Variants in PTPRM observed in about 807,000 individuals in gnomAD.
The protein encoded by PTPRM is receptor-type tyrosine-protein phosphatase mu.
In PTPRM, 47 loss-of-function variants were observed where a neutral mutation model predicts 186.7. The observed-to-expected ratio is 0.25, with a 90% confidence interval of 0.20 to 0.32. The LOEUF (loss-of-function observed/expected upper bound fraction) is 0.32, where lower values mean the gene tolerates loss of function less well. PTPRM is among the 10% of genes least tolerant of loss of function. The pLI is 1.00. For synonymous variants in PTPRM, 668 were observed against 674.9 expected, an observed-to-expected ratio of 0.99 and a Z score of 0.16; for missense variants, 1,494 against 1,865.0, an observed-to-expected ratio of 0.80 and a Z score of 3.66.
intron 4 of PTPRM, among the ~76,000 whole-genome samples, chr18:7,912,530 GAGACAGAGTCTC>G (rs2050327324): frequency 1.3e-5 from 2 of 151,844 alleles, no homozygotes; most frequent in South Asian, 4.2e-4. Flanking sequence ...TTTTCTTTTT[GAGACAGAGTCTC>G]ACTCTGTTGC....
intron 7 of PTPRM, among the ~76,000 whole-genome samples, chr18:8,045,743 G>A (rs2087002518): frequency 1.3e-5 from 2 of 152,168 alleles, no homozygotes; most frequent in South Asian, 4.1e-4. Context: ...CATAGATTGT[G>A]GTGATGGTCA....
At chr18:8,200,745 T>C (rs1303519966) in intron 14 of PTPRM, among the ~76,000 whole-genome samples, 1 of 152,250 alleles carries the variant, frequency 6.6e-6, no homozygotes, top group African/African-American at 2.4e-5. Context: ...AAAATTGCCA[T>C]ATACCTTTTA....
intron 1 of PTPRM, among the ~76,000 whole-genome samples, chr18:7,709,380 A>C (rs780616281): frequency 2.0e-5 from 3 of 152,186 alleles, no homozygotes; most frequent in African/African-American, 7.2e-5. Flanking sequence ...GACACAACTT[A>C]TCAAAACCTC....
intron 1 of PTPRM, among the ~76,000 whole-genome samples, chr18:7,572,928 G>A (rs774745873): frequency 9.9e-5 from 15 of 152,098 alleles, no homozygotes; most frequent in Admixed American, 2.0e-4. Flanking sequence ...AAAATACCGC[G>A]GTGGTTTTCA....
At chr18:7,917,964 T>G (rs1361502855) in intron 4 of PTPRM, among the ~76,000 whole-genome samples, 1 of 152,172 alleles carries the variant, frequency 6.6e-6, no homozygotes, top group Non-Finnish European at 1.5e-5. Flanking sequence ...CTTATTTCAC[T>G]TAACATAAGG....
At chr18:8,253,467 C>T in intron 19 of PTPRM, 53 bp downstream of exon 19, 1 of 1,358,102 alleles carries the variant, frequency 7.4e-7, no homozygotes, top group Non-Finnish European at 9.6e-7. Context: ...GATTCCATGC[C>T]AGGTACTGTG....
At chr18:8,286,259 G>A (rs1260617947) in intron 19 of PTPRM, among the ~76,000 whole-genome samples, 1 of 152,156 alleles carries the variant, frequency 6.6e-6, no homozygotes, top group African/African-American at 2.4e-5. Context: ...AGTGAAATGA[G>A]TAACGTTTCA....
At chr18:8,341,780 G>A (rs1394259661) in intron 22 of PTPRM, among the ~76,000 whole-genome samples, 1 of 151,826 alleles carries the variant, frequency 6.6e-6, no homozygotes, top group Admixed American at 6.6e-5. Context: ...AAGCTGTTAA[G>A]TACACAATGA....
At chr18:8,111,069 T>C (rs1392823206) in intron 11 of PTPRM, among the ~76,000 whole-genome samples, 3 of 152,188 alleles carry the variant, frequency 2.0e-5, no homozygotes, top group African/African-American at 7.2e-5. Flanking sequence ...CCTGGTAGAA[T>C]GGCACTTCAC....
intron 19 of PTPRM, among the ~76,000 whole-genome samples, chr18:8,256,081 T>A (rs2094572146): frequency 6.6e-6 from 1 of 152,240 alleles, no homozygotes; most frequent in Non-Finnish European, 1.5e-5. Flanking sequence ...TTGAAGTTTA[T>A]GTAGTTTTTA....
chr18:7,936,467 G>A (rs1458552050), intron 5 of PTPRM, among the ~76,000 whole-genome samples: 2 of 152,222 alleles, frequency 1.3e-5, no homozygotes, highest in Non-Finnish European at 1.5e-5. Context: ...CCAGGTGTGT[G>A]TGCACCCAGG....
intron 7 of PTPRM, among the ~76,000 whole-genome samples, chr18:8,014,752 C>A (rs1041232835): frequency 5.9e-5 from 9 of 152,250 alleles, no homozygotes; most frequent in African/African-American, 1.9e-4. Flanking sequence ...CATATGTGAA[C>A]ACACACACCA....
intron 7 of PTPRM, among the ~76,000 whole-genome samples, chr18:7,998,613 A>G (rs1379738357): frequency 6.6e-6 from 1 of 152,142 alleles, no homozygotes; most frequent in Non-Finnish European, 1.5e-5. Flanking sequence ...ATAGTGAAAA[A>G]AATTACAAAT....
At chr18:7,987,031 T>C (rs968874538) in intron 7 of PTPRM, among the ~76,000 whole-genome samples, 1 of 152,148 alleles carries the variant, frequency 6.6e-6, no homozygotes, top group African/African-American at 2.4e-5. Context: ...TCCATAACTG[T>C]AGAAAATGTG....
intron 1 of PTPRM, among the ~76,000 whole-genome samples, chr18:7,624,779 A>G (rs1428048807): frequency 6.6e-6 from 1 of 152,196 alleles, no homozygotes; most frequent in African/African-American, 2.4e-5. Context: ...ACTCGCCATC[A>G]GATTCTGCTT....
chr18:7,617,628 A>C (rs761964208), intron 1 of PTPRM, among the ~76,000 whole-genome samples: 7 of 152,208 alleles, frequency 4.6e-5, no homozygotes, highest in Non-Finnish European at 8.8e-5. Flanking sequence ...ATCCTTAATC[A>C]AAAAACTTAA....
At chr18:8,342,996 A>G (rs776191817) in intron 22 of PTPRM, among the ~76,000 whole-genome samples, 5 of 152,256 alleles carry the variant, frequency 3.3e-5, no homozygotes, top group Admixed American at 1.3e-4. Flanking sequence ...AGAAACAAGA[A>G]GAGGCCATTT....
At chr18:8,292,292 G>A (rs1436091184) in intron 19 of PTPRM, among the ~76,000 whole-genome samples, 2 of 152,128 alleles carry the variant, frequency 1.3e-5, no homozygotes, top group African/African-American at 4.8e-5. Context: ...TTCAAAACTG[G>A]ATCCATCTTA....
chr18:7,944,128 C>T (rs1335156859), intron 5 of PTPRM, among the ~76,000 whole-genome samples: 1 of 152,106 alleles, frequency 6.6e-6, no homozygotes, highest in Non-Finnish European at 1.5e-5. Context: ...CTCTTCTACC[C>T]CTGGAAGATT....
Sources: gnomAD v4.1 joint callset for allele counts (sites outside exome capture counted in the v4.1 genomes callset) on GRCh38, gnomAD v4.1.1 for gene constraint, MANE v1.5 for transcripts, NCBI Gene and HGNC (gene_info 2026-07-23, HGNC 2026-07-21) for gene names.